The following SEMA3D variants were observed in gnomAD, a reference collection of about 807,000 sequenced individuals.
SEMA3D encodes the protein semaphorin-3D.
In SEMA3D, 84 loss-of-function variants were observed where a neutral mutation model predicts 100.1. The ratio of observed to expected loss-of-function variants is 0.84; its 90% CI spans 0.70 to 1.01. The LOEUF (loss-of-function observed/expected upper bound fraction) is 1.01, where lower values mean the gene tolerates loss of function less well. SEMA3D is among the 50% of genes least tolerant of loss of function. SEMA3D has a pLI of 0.00. For missense variants in SEMA3D, 875 were observed against 934.1 expected (o/e 0.94, Z 0.82); for synonymous variants, 312 against 320.7 (o/e 0.97, Z 0.29).
At chr7:85,201,902 T>C in the SEMA3D span, among the ~76,000 whole-genome samples, 1 of 151,878 alleles carries the variant, frequency 6.6e-6, no homozygotes, top group East Asian at 1.9e-4. Flanking sequence ...ATATTTTTTG[T>C]AGAGAAGGGG....
At chr7:85,074,291 C>A (rs1407638714) in intron 5 of SEMA3D, among the ~76,000 whole-genome samples, 1 of 152,060 alleles carries the variant, frequency 6.6e-6, no homozygotes, top group African/African-American at 2.4e-5. Flanking sequence ...AGGCATGGAC[C>A]TAATGGTCCA....
chr7:85,158,076 G>T (rs1246596623), intron 1 of SEMA3D, among the ~76,000 whole-genome samples: 4 of 152,022 alleles, frequency 2.6e-5, no homozygotes, highest in Non-Finnish European at 4.4e-5. Flanking sequence ...GTCACCTCAG[G>T]ACCGTGTGAT....
At chr7:85,140,796 TC>T (rs1790025194) in intron 2 of SEMA3D, 1 of 940,964 alleles carries the variant, frequency 1.1e-6, no homozygotes, top group African/African-American at 1.8e-5. Flanking sequence ...GCTTAATTAT[TC>T]CATTAATAAT....
chr7:85,157,898 A>G (rs549422393), intron 1 of SEMA3D, among the ~76,000 whole-genome samples: 4 of 152,144 alleles, frequency 2.6e-5, no homozygotes, highest in Admixed American at 6.6e-5. Flanking sequence ...CCCCAAATTA[A>G]TACTTTTATA....
At chr7:85,102,759 G>A (rs1241815289) in intron 3 of SEMA3D, among the ~76,000 whole-genome samples, 1 of 151,944 alleles carries the variant, frequency 6.6e-6, no homozygotes, top group Non-Finnish European at 1.5e-5. Context: ...GGAGGAAAAT[G>A]TTTAAGAGCT....
At chr7:85,044,147 G>A (rs753154209) in intron 9 of SEMA3D, among the ~76,000 whole-genome samples, 49 of 152,046 alleles carry the variant, frequency 3.2e-4, no homozygotes, top group Admixed American at 5.9e-4. Context: ...TAAGTTTCAA[G>A]TCTGAATATC....
intron 4 of SEMA3D, among the ~76,000 whole-genome samples, chr7:85,095,607 C>G (rs1365368069): frequency 1.3e-5 from 2 of 152,030 alleles, no homozygotes; most frequent in East Asian, 3.9e-4. Context: ...ACCTAAAGTA[C>G]TGCATTTTGA....
At chr7:85,139,030 G>T (rs1482616018) in intron 2 of SEMA3D, among the ~76,000 whole-genome samples, 1 of 152,062 alleles carries the variant, frequency 6.6e-6, no homozygotes, top group African/African-American at 2.4e-5. Flanking sequence ...AATTTTGGCA[G>T]TCATAAGTAT....
At chr7:85,108,597 C>T (rs924178570) in intron 3 of SEMA3D, among the ~76,000 whole-genome samples, 1 of 152,038 alleles carries the variant, frequency 6.6e-6, no homozygotes, top group African/African-American at 2.4e-5. Context: ...ACAACTGCAG[C>T]TTGAACCACA....
intron 1 of SEMA3D, among the ~76,000 whole-genome samples, chr7:85,156,197 G>T (rs1382552812): frequency 1.3e-5 from 2 of 151,478 alleles, no homozygotes; most frequent in Non-Finnish European, 2.9e-5. Flanking sequence ...CCACCTCCTG[G>T]GTTCAAGTGA....
intron 2 of SEMA3D, among the ~76,000 whole-genome samples, chr7:85,153,157 G>C (rs771325644): frequency 6.6e-6 from 1 of 152,060 alleles, no homozygotes; most frequent in African/African-American, 2.4e-5. Flanking sequence ...TTTGGTATAA[G>C]CAGGTTTTGC....
intron 16 of SEMA3D, among the ~76,000 whole-genome samples, chr7:85,014,016 A>G (rs770297778): frequency 6.6e-6 from 1 of 151,822 alleles, no homozygotes; most frequent in Non-Finnish European, 1.5e-5. Context: ...TTAATTTCTA[A>G]TAATCATATG....
chr7:85,242,045 A>G, the SEMA3D span, among the ~76,000 whole-genome samples: 5 of 152,030 alleles, frequency 3.3e-5, no homozygotes, highest in African/African-American at 1.2e-4. Context: ...CCATAAAAAA[A>G]AAAGAAATTT....
rs188591466 is a variant in SEMA3D at position 85,135,996 on chromosome 7, C to T, written c.-40-14065G>A. Among the ~76,000 whole-genome samples, 104 of 152,144 alleles carry T rather than the reference C, an allele frequency of 6.8e-4. 1 individual carries two copies. The highest frequency in any genetic ancestry group is 1.0e-3 in the Non-Finnish European group (71 of 67,984). On this transcript the variant is annotated intron_variant, in intron 2 of 18. Coordinates refer to ENST00000284136, the MANE Select transcript of SEMA3D (RefSeq NM_001384900.1). ...CCACATTTATAGAAAATTCACAGCA[C>T]AGACCTTTTCCTAAATAAATGCAAA...
Position 85,035,506 on chromosome 7 carries a change from T to C in SEMA3D, c.1191+1383A>G, listed in dbSNP as rs567779560. 1.1e-3 allele frequency among the ~76,000 whole-genome samples: 165 copies of C among 152,078 alleles called. 1 individual carries two copies. Among genetic ancestry groups the C allele is most frequent in the African/African-American group, 3.9e-3 (160 of 41,532 alleles). On this transcript the variant is annotated intron_variant, in intron 12 of 18. Transcript: ENST00000284136. ...TTGCAGAGAAATAAACACTGCATGA[T>C]TCCACTTATATAAGGTATCTATAAT...
At chr7:85,069,014 A>G (rs930595557) in intron 6 of SEMA3D, among the ~76,000 whole-genome samples, 2 of 152,134 alleles carry the variant, frequency 1.3e-5, no homozygotes, top group African/African-American at 4.8e-5. Flanking sequence ...AAAAATATGA[A>G]TGTATAATGA....
intron 4 of SEMA3D, among the ~76,000 whole-genome samples, chr7:85,085,588 CA>C (rs1390071727): frequency 6.6e-6 from 1 of 152,062 alleles, no homozygotes; most frequent in Admixed American, 6.6e-5. Context: ...GCCAAGGCAT[CA>C]AATTGAGGTG....
intron 8 of SEMA3D, among the ~76,000 whole-genome samples, chr7:85,056,747 A>G (rs1791328948): frequency 6.6e-6 from 1 of 150,480 alleles, no homozygotes; most frequent in East Asian, 1.9e-4. Flanking sequence ...TATAAAATCA[A>G]TGACTGAATA....
chr7:85,182,924 A>T (rs1209009168), intron 1 of SEMA3D, among the ~76,000 whole-genome samples: 1 of 152,182 alleles, frequency 6.6e-6, no homozygotes, highest in East Asian at 1.9e-4. Flanking sequence ...CTTGTTCATG[A>T]AGAAAATTAT....
Sources: gnomAD v4.1 joint callset for allele counts (sites outside exome capture counted in the v4.1 genomes callset) on GRCh38, gnomAD v4.1.1 for gene constraint, MANE v1.5 for transcripts, NCBI Gene and HGNC (gene_info 2026-07-23, HGNC 2026-07-21) for gene names.